RNF6: variants seen among roughly 807,000 people sequenced by gnomAD.
RNF6 encodes the protein ring finger protein 6.
Under a neutral mutation model 50.1 loss-of-function variants are expected in RNF6, and 21 were observed. The observed-to-expected ratio is 0.42, with a 90% CI of 0.30 to 0.60. The LOEUF (loss-of-function observed/expected upper bound fraction) is 0.60, where lower values mean the gene tolerates loss of function less well. Among genes scored for constraint, RNF6 ranks in the 20% least tolerant of loss-of-function variants. The pLI, the probability that RNF6 is intolerant of heterozygous loss-of-function variation, is 0.20. For synonymous variants in RNF6, 255 were observed against 291.8 expected (o/e 0.87, Z 1.29); for missense variants, 698 against 838.2 (o/e 0.83, Z 2.07).
chr13:26,219,280 A>G, intron 3 of RNF6, 177 bp downstream of exon 3: 2 of 546,226 alleles, frequency 3.7e-6, no homozygotes, highest in East Asian at 2.9e-5. Flanking sequence ...ACCTTATAAA[A>G]TACAGAAGCC....
chr13:26,176,039 G>A lies in RNF6; in HGVS notation n.768+39435C>T, dbSNP rs569016444. On this transcript the variant is annotated intron_variant and non_coding_transcript_variant, in intron 5 of 5. Coordinates refer to the RNF6 transcript ENST00000468480. ...AGTTGTCCACATCAACTCTTTACAA[G>A]TAAATCTTGTAGAAAGCTCTAAGAG... Among the ~76,000 whole-genome samples, 101 of 152,238 alleles carry A rather than the reference G, an allele frequency of 6.6e-4. 1 individual carries two copies. Among genetic ancestry groups the A allele is most frequent in the African/African-American group, 2.4e-3 (99 of 41,546 alleles).
chr13:26,219,279 A>G, intron 3 of RNF6, 178 bp downstream of exon 3: 1 of 538,900 alleles, frequency 1.9e-6, no homozygotes, highest in East Asian at 3.0e-5. Flanking sequence ...CACCTTATAA[A>G]ATACAGAAGC....
At chr13:26,156,196 T>G (rs991746335) in intron 5 of RNF6, among the ~76,000 whole-genome samples, 5 of 151,868 alleles carry the variant, frequency 3.3e-5, no homozygotes, top group Admixed American at 6.6e-5. Flanking sequence ...GAGAAAGAAA[T>G]AAAATCAAGT....
intron 5 of RNF6, among the ~76,000 whole-genome samples, chr13:26,149,950 G>A (rs1871485428): frequency 1.2e-5 from 1 of 84,824 alleles, no homozygotes; most frequent in Non-Finnish European, 2.4e-5. Context: ...TATATATAAT[G>A]TGTATATATA....
At chr13:26,204,644 A>T (rs952428388) in intron 5 of RNF6, among the ~76,000 whole-genome samples, 4 of 152,202 alleles carry the variant, frequency 2.6e-5, no homozygotes, top group Non-Finnish European at 4.4e-5. Flanking sequence ...ATGTGTTTAG[A>T]AGACGTCCAT....
intron 5 of RNF6, among the ~76,000 whole-genome samples, chr13:26,135,184 A>G (rs1393396149): frequency 6.6e-6 from 1 of 152,226 alleles, no homozygotes; most frequent in Non-Finnish European, 1.5e-5. Context: ...AAGATCTCTT[A>G]CAGTTCATTT....
At chr13:26,135,065 C>T (rs1870582942) in intron 5 of RNF6, among the ~76,000 whole-genome samples, 1 of 152,076 alleles carries the variant, frequency 6.6e-6, no homozygotes. Context: ...TCTTAAAGAG[C>T]AATATGTTTT....
At chr13:26,155,726 G>C (rs1871885639) in intron 5 of RNF6, among the ~76,000 whole-genome samples, 5 of 152,170 alleles carry the variant, frequency 3.3e-5, no homozygotes, top group Admixed American at 3.3e-4. Context: ...TGTCAGTAGG[G>C]GAATAGACAG....
In RNF6 at chr13:26,132,708, G is replaced by C. The variant is rs556988612; in HGVS notation, n.769-257C>G. 2.6e-5 allele frequency among the ~76,000 whole-genome samples: 4 copies of C among 152,288 alleles called. No homozygotes were observed. The East Asian group carries it at 7.7e-4, about 29-fold the overall frequency. Reference sequence around the variant, plus strand: ...TAAGTTTTCATCACCTGTACTGAAAGTATTGTTTTTGAAAGTGTAATCACC... The same window carrying C: ...TAAGTTTTCATCACCTGTACTGAAACTATTGTTTTTGAAAGTGTAATCACC... On this transcript the variant is annotated intron_variant and non_coding_transcript_variant, in intron 5 of 5. Coordinates refer to the RNF6 transcript ENST00000468480.
intron 5 of RNF6, among the ~76,000 whole-genome samples, chr13:26,140,832 C>T (rs1458920396): frequency 2.0e-5 from 3 of 152,128 alleles, no homozygotes; most frequent in African/African-American, 7.2e-5. Flanking sequence ...CTGCATAGAA[C>T]AATAATGTTC....
intron 5 of RNF6, among the ~76,000 whole-genome samples, chr13:26,168,535 A>T (rs921106233): frequency 2.6e-5 from 4 of 152,156 alleles, no homozygotes; most frequent in African/African-American, 9.7e-5. Flanking sequence ...TTCTTATCTG[A>T]TGAAGTTTTG....
At chr13:26,218,292 T>C (rs1566443811) in intron 4 of RNF6, among the ~76,000 whole-genome samples, 1 of 152,234 alleles carries the variant, frequency 6.6e-6, no homozygotes, top group Non-Finnish European at 1.5e-5. Context: ...CATAAAGCTC[T>C]CTGAAGGCAA....
intron 5 of RNF6, among the ~76,000 whole-genome samples, chr13:26,150,065 C>A (rs199542167): frequency 7.7e-6 from 1 of 129,864 alleles, no homozygotes; most frequent in Non-Finnish European, 1.7e-5. Context: ...TATATATATA[C>A]ATATACATAC....
At chr13:26,139,741 T>C (rs1346799354) in intron 5 of RNF6, among the ~76,000 whole-genome samples, 1 of 152,260 alleles carries the variant, frequency 6.6e-6, no homozygotes, top group Non-Finnish European at 1.5e-5. Flanking sequence ...TTTTATTATA[T>C]TCTTTATGAA....
chr13:26,217,438 C>T (rs924060101), intron 4 of RNF6, among the ~76,000 whole-genome samples: 2 of 152,202 alleles, frequency 1.3e-5, no homozygotes, highest in African/African-American at 2.4e-5. Context: ...GAAATTGGCT[C>T]GTGGACAGCC....
chr13:26,221,691 T>C (rs1002877423), intron 1 of RNF6: 1 of 152,196 alleles, frequency 6.6e-6, no homozygotes, highest in Non-Finnish European at 1.5e-5. Flanking sequence ...GTCCCGCTAC[T>C]GGTTTCTTTC....
intron 5 of RNF6, among the ~76,000 whole-genome samples, chr13:26,160,837 C>T (rs1176928411): frequency 6.6e-6 from 1 of 152,106 alleles, no homozygotes; most frequent in Non-Finnish European, 1.5e-5. Context: ...CTTGCTTTGT[C>T]CTCATGTGGC....
intron 5 of RNF6, among the ~76,000 whole-genome samples, chr13:26,172,827 G>A (rs946782466): frequency 7.2e-5 from 11 of 152,144 alleles, no homozygotes; most frequent in African/African-American, 2.4e-4. Flanking sequence ...ACAGGCGTGA[G>A]CCACCGCACC....
intron 5 of RNF6, among the ~76,000 whole-genome samples, chr13:26,163,908 T>C (rs1272428257): frequency 6.6e-6 from 1 of 152,222 alleles, no homozygotes; most frequent in East Asian, 1.9e-4. Context: ...ATATGCTTTT[T>C]TCTGCCTCTG....
Sources: allele counts gnomAD v4.1 joint callset (sites outside exome capture counted in the v4.1 genomes callset), GRCh38; gene constraint gnomAD v4.1.1; transcripts MANE v1.5; gene names NCBI Gene and HGNC (gene_info 2026-07-23, HGNC 2026-07-21).